The following FBN1 variants were observed in gnomAD, a reference collection of about 807,000 sequenced individuals.
FBN1 encodes fibrillin 1.
In FBN1, 29 loss-of-function variants were observed where a neutral mutation model predicts 365.1. The observed-to-expected ratio is 0.08, with a 90% CI of 0.06 to 0.11. The LOEUF (loss-of-function observed/expected upper bound fraction) is 0.11, where lower values mean the gene tolerates loss of function less well. FBN1 is among the 10% of genes least tolerant of loss of function. The probability of loss-of-function intolerance (pLI) is 1.00; values close to 1 mark genes in which losing one functional copy is unlikely to be tolerated. For missense variants in FBN1, 2,476 were observed against 3,703.2 expected (o/e 0.67, Z 8.60); for synonymous variants, 1,210 against 1,270.5 (o/e 0.95, Z 1.01).
intron 22 of FBN1, 74 bp downstream of exon 22, chr15:48,495,049 G>T: frequency 1.3e-6 from 2 of 1,565,280 alleles, no homozygotes; most frequent in South Asian, 1.1e-5. Context: ...CTAGATAAAT[G>T]AAATACTAGG....
chr15:48,532,703 A>C (rs1040807854), intron 8 of FBN1, among the ~76,000 whole-genome samples: 1 of 152,138 alleles, frequency 6.6e-6, no homozygotes, highest in Non-Finnish European at 1.5e-5. Flanking sequence ...TATAATGTAG[A>C]GTGTGGAAAT....
At chr15:48,566,072 C>G (rs1878048935) in intron 6 of FBN1, among the ~76,000 whole-genome samples, 1 of 152,140 alleles carries the variant, frequency 6.6e-6, no homozygotes, top group Non-Finnish European at 1.5e-5. Flanking sequence ...TAGTCACTTT[C>G]TTTGGAGGCT....
At chr15:48,604,531 C>A (rs1429951318) in intron 4 of FBN1, among the ~76,000 whole-genome samples, 2 of 152,114 alleles carry the variant, frequency 1.3e-5, no homozygotes, top group African/African-American at 4.8e-5. Flanking sequence ...AGAAACTTCA[C>A]TAAAATTCTC....
chr15:48,588,407 C>T (rs989771704), intron 6 of FBN1, among the ~76,000 whole-genome samples: 1 of 152,040 alleles, frequency 6.6e-6, no homozygotes, highest in African/African-American at 2.4e-5. Context: ...ACTGTTTGAA[C>T]ATCTAAGATC....
At chr15:48,572,308 T>C (rs556233470) in intron 6 of FBN1, among the ~76,000 whole-genome samples, 5 of 149,668 alleles carry the variant, frequency 3.3e-5, no homozygotes, top group South Asian at 4.4e-4. Flanking sequence ...AATAAATAAG[T>C]AATGTGCTTT....
At position 48,632,600 on chromosome 15, in the gene FBN1, C is replaced by A. The variant is rs796713761; in HGVS notation, c.164+12006G>T. ...GCATGTCTATTTCCACACTTCCAAA[C>A]CTCCCTGAAAGTGTGGCCAAAGGTT... On this transcript the variant is annotated intron_variant, in intron 2 of 65. Transcript: ENST00000316623. 7.6e-4 allele frequency among the ~76,000 whole-genome samples: 116 copies of A among 152,314 alleles called. 1 individual carries two copies. The highest frequency in any genetic ancestry group is 2.6e-3 in the African/African-American group (108 of 41,578).
intron 6 of FBN1, among the ~76,000 whole-genome samples, chr15:48,560,014 G>T (rs2044211592): frequency 6.6e-6 from 1 of 152,130 alleles, no homozygotes; most frequent in African/African-American, 2.4e-5. Flanking sequence ...GAGTTTTGAG[G>T]CAAGAAGGCA....
intron 48 of FBN1, 25 bp from the exon 49 acceptor site, chr15:48,444,685 G>A: frequency 6.2e-7 from 1 of 1,612,532 alleles, no homozygotes; most frequent in South Asian, 1.1e-5. Context: ...GAAAAATAAG[G>A]AAGAGGTTCC....
intron 14 of FBN1, among the ~76,000 whole-genome samples, chr15:48,509,197 A>C (rs1251873838): frequency 6.6e-6 from 1 of 152,094 alleles, no homozygotes; most frequent in East Asian, 1.9e-4. Flanking sequence ...AATTTTAAAT[A>C]GGGGCAGGTA....
chr15:48,568,157 A>G (rs55939871), intron 6 of FBN1, among the ~76,000 whole-genome samples: 1 of 150,606 alleles, frequency 6.6e-6, no homozygotes, highest in Non-Finnish European at 1.5e-5. Flanking sequence ...AAAAAAAAAA[A>G]AGTCCAGAAA....
chr15:48,583,578 C>T (rs568176628), intron 6 of FBN1, among the ~76,000 whole-genome samples: 3 of 152,082 alleles, frequency 2.0e-5, no homozygotes, highest in East Asian at 1.9e-4. Context: ...TTTAGAATGC[C>T]GCATTTCTAA....
chr15:48,448,468 A>T (rs1433228720), intron 46 of FBN1, among the ~76,000 whole-genome samples: 1 of 152,182 alleles, frequency 6.6e-6, no homozygotes, highest in African/African-American at 2.4e-5. Flanking sequence ...AATCCACATC[A>T]ATATTACATA....
intron 49 of FBN1, 117 bp downstream of exon 49, chr15:48,444,424 T>C (rs1439670987): frequency 8.4e-7 from 1 of 1,187,196 alleles, no homozygotes; most frequent in Non-Finnish European, 1.2e-6. Flanking sequence ...CCTATGCCCT[T>C]GCATTTGTTT....
intron 18 of FBN1, 85 bp from the exon 19 acceptor site, chr15:48,497,476 G>A (rs1566912312): frequency 3.7e-6 from 5 of 1,336,200 alleles, no homozygotes; most frequent in Admixed American, 1.8e-5. Flanking sequence ...TACAATAAAT[G>A]TAATGACCTT....
intron 51 of FBN1, 151 bp from the exon 52 acceptor site, chr15:48,437,538 G>T (rs756375896): frequency 1.2e-6 from 1 of 834,668 alleles, no homozygotes; most frequent in Non-Finnish European, 2.0e-6. Context: ...GTTATTTAAC[G>T]AGACTCCCTA....
At chr15:48,495,414 T>C (rs1223603806) in intron 21 of FBN1, 55 bp downstream of exon 21, 8 of 1,604,444 alleles carry the variant, frequency 5.0e-6, no homozygotes, top group Non-Finnish European at 6.8e-6. Flanking sequence ...AAAGCTGACA[T>C]TAAGTATAAC....
rs115452867 is a variant in FBN1 at position 48,644,093 on chromosome 15, C to G, written c.164+513G>C. On this transcript the variant is annotated intron_variant, in intron 2 of 65. Coordinates refer to ENST00000316623, the MANE Select transcript of FBN1 (RefSeq NM_000138.5). The stretch of plus-strand genomic sequence containing the variant: ...TTCCAATGTAGACATCTAAAGGAAG[C>G]ATTGCCCAGAAAACCCAATCCGTAA... 9.6e-3 allele frequency: 1,551 copies of G among 161,830 alleles called. 23 individuals are homozygous for G. Among genetic ancestry groups the G allele is most frequent in the African/African-American group, 0.035 (1,478 of 41,734 alleles). The allele number at this position is 161,830 out of a possible 1,614,324, so 10.0% of individuals were successfully genotyped here.
Position 48,448,827 on chromosome 15 carries a change from C to T in FBN1, c.5612G>A (p.Ser1871Asn), listed in dbSNP as rs761345435. ...SHGQCIDTVG[S>N]FYCLCHTGFK... is the part of the protein sequence containing the mutation. ...ACCAGTGTGGCAAAGGCAATAAAAG[C>T]TTCCAACTGTGTCAATGCACTGCCC... is the stretch of plus-strand genomic sequence containing the variant. Residue 1871 changes from serine (S) to asparagine (N), a missense_variant, in exon 46 of 66, where the codon AGC becomes AAC. Transcript: ENST00000316623. The T allele has an allele frequency of 6.2e-7, 1 of 1,612,996 alleles. No individual in the cohort carries two copies. The highest frequency in any genetic ancestry group is 1.7e-5 in the Admixed American group (1 of 59,988).
intron 46 of FBN1, among the ~76,000 whole-genome samples, chr15:48,448,192 G>C (rs966631981): frequency 6.7e-6 from 1 of 149,232 alleles, no homozygotes; most frequent in African/African-American, 2.6e-5. Context: ...GTCCCAAAAA[G>C]ACTTAATGGT....
Sources: gnomAD v4.1 joint callset for allele counts (sites outside exome capture counted in the v4.1 genomes callset) on GRCh38, gnomAD v4.1.1 for gene constraint, MANE v1.5 for transcripts, NCBI Gene and HGNC (gene_info 2026-07-23, HGNC 2026-07-21) for gene names.